MACROD2: variants seen among roughly 807,000 people sequenced by gnomAD.
MACROD2 encodes the protein mono-ADP ribosylhydrolase 2, also known as ADP-ribose glycohydrolase MACROD2.
A neutral mutation model predicts 70.4 loss-of-function variants in MACROD2; 36 were observed. The observed-to-expected ratio is 0.51, with a 90% CI of 0.39 to 0.68. The LOEUF (loss-of-function observed/expected upper bound fraction) is 0.68, where lower values mean the gene tolerates loss of function less well. MACROD2 is among the 30% of genes least tolerant of loss of function. The probability of loss-of-function intolerance (pLI) is 0.00; values close to 1 mark genes in which losing one functional copy is unlikely to be tolerated. For missense variants in MACROD2, 496 were observed against 538.4 expected (o/e 0.92, Z 0.78); for synonymous variants, 172 against 178.8 (o/e 0.96, Z 0.30).
At position 14,466,353 on chromosome 20, in the gene MACROD2, C is replaced by T. The variant is rs139795018; in HGVS notation, c.272-27126C>T. 2.2e-3 allele frequency among the ~76,000 whole-genome samples: 333 copies of T among 152,148 alleles called. 2 individuals are homozygous for T. Among genetic ancestry groups the T allele is most frequent in the African/African-American group, 6.0e-3 (250 of 41,470 alleles). On this transcript the variant is annotated intron_variant, in intron 3 of 17. Coordinates refer to ENST00000684519, the MANE Select transcript of MACROD2 (RefSeq NM_001351661.2). ...GTTACTGAGGCTTGTGCTTTTGTCA[C>T]GTAGTTTTTGTGCCTTGGTTTTCAG...
At chr20:15,193,345 G>C (rs986218327) in intron 5 of MACROD2, among the ~76,000 whole-genome samples, 2 of 152,074 alleles carry the variant, frequency 1.3e-5, no homozygotes, top group Admixed American at 6.6e-5. Context: ...TATCAAGACA[G>C]ACTTCAGAGA....
chr20:14,359,652 G>A (rs1386376420), intron 3 of MACROD2, among the ~76,000 whole-genome samples: 1 of 152,148 alleles, frequency 6.6e-6, no homozygotes, highest in Non-Finnish European at 1.5e-5. Context: ...GGGCAGGATT[G>A]CTTGAGTTCA....
intron 8 of MACROD2, among the ~76,000 whole-genome samples, chr20:15,527,964 A>G (rs1177504878): frequency 6.6e-6 from 1 of 152,228 alleles, no homozygotes; most frequent in Non-Finnish European, 1.5e-5. Flanking sequence ...GAAAGCAAGT[A>G]TTATAAAGAC....
At chr20:14,256,734 C>T (rs1241515154) in intron 3 of MACROD2, among the ~76,000 whole-genome samples, 3 of 152,056 alleles carry the variant, frequency 2.0e-5, no homozygotes, top group South Asian at 2.1e-4. Flanking sequence ...ATTTTTATCC[C>T]GTTTAAGCCC....
intron 5 of MACROD2, among the ~76,000 whole-genome samples, chr20:15,122,316 C>T (rs1408276307): frequency 6.6e-6 from 1 of 152,114 alleles, no homozygotes; most frequent in East Asian, 1.9e-4. Flanking sequence ...TTATTGGTGC[C>T]CTCACTAGCA....
At chr20:15,752,042 G>A (rs1600842495) in intron 8 of MACROD2, among the ~76,000 whole-genome samples, 2 of 151,802 alleles carry the variant, frequency 1.3e-5, no homozygotes, top group East Asian at 3.9e-4. Flanking sequence ...CTTTAACTTG[G>A]AGTATAATTA....
chr20:15,350,882 T>C (rs1449751669), intron 6 of MACROD2, among the ~76,000 whole-genome samples: 2 of 152,156 alleles, frequency 1.3e-5, no homozygotes, highest in East Asian at 3.8e-4. Flanking sequence ...AACTTAATTT[T>C]TCTTCTCCTA....
chr20:14,423,627 G>T (rs573568253), intron 3 of MACROD2, among the ~76,000 whole-genome samples: 1 of 149,108 alleles, frequency 6.7e-6, no homozygotes, highest in African/African-American at 2.5e-5. Context: ...TTGAACCCAG[G>T]AGGCGGAGCT....
At chr20:15,697,986 T>C (rs2050400549) in intron 8 of MACROD2, among the ~76,000 whole-genome samples, 1 of 152,194 alleles carries the variant, frequency 6.6e-6, no homozygotes, top group Non-Finnish European at 1.5e-5. Flanking sequence ...AGCAGATGGT[T>C]TGTTGATGAG....
At chr20:14,768,662 G>C (rs1269431741) in intron 5 of MACROD2, among the ~76,000 whole-genome samples, 1 of 151,996 alleles carries the variant, frequency 6.6e-6, no homozygotes, top group South Asian at 2.1e-4. Flanking sequence ...TGTTGCCCAG[G>C]TTGGAGGGCA....
intron 5 of MACROD2, among the ~76,000 whole-genome samples, chr20:14,788,824 G>C (rs947680532): frequency 7.1e-6 from 1 of 141,824 alleles, no homozygotes; most frequent in Non-Finnish European, 1.5e-5. Context: ...GCTGGAGTGC[G>C]GTGGTGCGAT....
chr20:14,177,964 T>A (rs997857062), intron 3 of MACROD2, among the ~76,000 whole-genome samples: 1 of 152,140 alleles, frequency 6.6e-6, no homozygotes, highest in Non-Finnish European at 1.5e-5. Context: ...TAACTCTGAC[T>A]TAAAATCAGA....
chr20:15,232,433 G>T (rs922070154), intron 6 of MACROD2, among the ~76,000 whole-genome samples: 2 of 151,928 alleles, frequency 1.3e-5, no homozygotes, highest in African/African-American at 4.8e-5. Context: ...ACTTATTACT[G>T]TGTGACTGTG....
chr20:14,800,049 T>A (rs2072555657), intron 5 of MACROD2, among the ~76,000 whole-genome samples: 2 of 150,380 alleles, frequency 1.3e-5, no homozygotes, highest in South Asian at 4.2e-4. Flanking sequence ...TTCAGACAAG[T>A]GTTCCATCAC....
intron 3 of MACROD2, among the ~76,000 whole-genome samples, chr20:14,413,933 G>A (rs2083776299): frequency 6.6e-6 from 1 of 151,860 alleles, no homozygotes; most frequent in Admixed American, 6.6e-5. Flanking sequence ...ATGGTACTTG[G>A]TACAAATTGA....
At chr20:15,455,539 A>G (rs1393722363) in intron 7 of MACROD2, among the ~76,000 whole-genome samples, 1 of 152,180 alleles carries the variant, frequency 6.6e-6, no homozygotes, top group African/African-American at 2.4e-5. Flanking sequence ...TACACTTACT[A>G]TAAAACCTAC....
At chr20:15,715,331 C>G (rs1351246091) in intron 8 of MACROD2, among the ~76,000 whole-genome samples, 2 of 152,034 alleles carry the variant, frequency 1.3e-5, no homozygotes, top group Non-Finnish European at 2.9e-5. Flanking sequence ...TCAGCTCTAC[C>G]AAAGAGAATA....
At chr20:14,746,668 C>T (rs1192163944) in intron 5 of MACROD2, among the ~76,000 whole-genome samples, 1 of 152,018 alleles carries the variant, frequency 6.6e-6, no homozygotes, top group Non-Finnish European at 1.5e-5. Context: ...TCAAATTTCC[C>T]CAGTGCTGAA....
chr20:14,195,723 C>T (rs752198606), intron 3 of MACROD2, among the ~76,000 whole-genome samples: 6 of 152,120 alleles, frequency 3.9e-5, no homozygotes, highest in African/African-American at 7.2e-5. Flanking sequence ...GCAGAGCATG[C>T]GAAGTTTGGC....
Sources: allele counts gnomAD v4.1 joint callset (sites outside exome capture counted in the v4.1 genomes callset), GRCh38; gene constraint gnomAD v4.1.1; transcripts MANE v1.5; gene names NCBI Gene and HGNC (gene_info 2026-07-23, HGNC 2026-07-21).